Variants in PACSIN1 observed in about 807,000 individuals in gnomAD.
The protein encoded by PACSIN1 is protein kinase C and casein kinase substrate in neurons 1, also known as protein kinase C and casein kinase substrate in neurons protein 1.
In PACSIN1, 15 loss-of-function variants were observed where a neutral mutation model predicts 59.5. The observed-to-expected ratio is 0.25, with a 90% CI of 0.17 to 0.39. The LOEUF (loss-of-function observed/expected upper bound fraction) is 0.39. Ranked by LOEUF, PACSIN1 falls within the 10% of genes least tolerant of loss-of-function variation. PACSIN1 has a pLI of 1.00. For missense variants in PACSIN1, 420 were observed against 580.2 expected (o/e 0.72, Z 2.84); for synonymous variants, 210 against 220.6 (o/e 0.95, Z 0.42).
rs139280707 is a variant in PACSIN1, at chr6:34,466,231, C to T, written c.-103C>T. On this transcript the variant is annotated 5_prime_UTR_variant, in exon 1 of 10. Transcript: ENST00000244458. ...CGGGCCCCAGACGTCCCGCTTCGCC[C>T]CGAGTCGCCGCCGATGGTCCCCGGA... 2,429 of 152,324 alleles carry T rather than the reference C, an allele frequency of 0.016. 41 individuals carry two copies. Among genetic ancestry groups the T allele is most frequent in the Non-Finnish European group, 0.023 (1,554 of 68,098 alleles). 9.4% of individuals were successfully genotyped at this position (152,324 alleles called of 1,614,324 possible).
At position 34,475,783 on chromosome 6, in the gene PACSIN1, T is replaced by G. The variant is rs545812111; in HGVS notation, c.-64+9513T>G. 1.2e-4 allele frequency among the ~76,000 whole-genome samples: 19 copies of G among 152,288 alleles called. No homozygotes were observed. The East Asian group carries it at 3.7e-3, about 29-fold the overall frequency. On this transcript the variant is annotated intron_variant, in intron 1 of 9. Coordinates refer to ENST00000244458, the MANE Select transcript of PACSIN1 (RefSeq NM_020804.5). ...CTCTACTTCCATATCCATTTCTGCT[T>G]TGAGCCTTGCCACAAGCCTGTGGGG... is the stretch of plus-strand genomic sequence containing the variant.
At position 34,529,489 on chromosome 6, in the gene PACSIN1, C is replaced by T; in HGVS notation, c.549C>T (p.Val183=). The T allele has an allele frequency of 6.2e-7, 1 of 1,614,134 alleles. No individual in the cohort carries two copies. The change falls in exon 5 of 10, where the codon GTC becomes GTT. Residue 183 remains valine (V), a synonymous_variant. Transcript: ENST00000244458. This position sits in a 1 kb window ranked among gnomAD's most constrained non-coding sequence, Gnocchi z 6.3. Reference sequence around the variant, plus strand: ...TGAACAGCAAGACGGAGCAATCGGTCACACCTGAGCAGCAAAAGAAGCTGC... The same window carrying T: ...TGAACAGCAAGACGGAGCAATCGGTTACACCTGAGCAGCAAAAGAAGCTGC... ...REMNSKTEQS[V]TPEQQKKLQD...
chr6:34,476,483 A>G (rs2127241063), intron 1 of PACSIN1, among the ~76,000 whole-genome samples: 1 of 145,008 alleles, frequency 6.9e-6, no homozygotes, highest in Non-Finnish European at 1.5e-5. Context: ...GCTCCATCGG[A>G]CACTGGGCTG....
At chr6:34,474,984 C>T (rs1014616401) in intron 1 of PACSIN1, among the ~76,000 whole-genome samples, 9 of 152,112 alleles carry the variant, frequency 5.9e-5, no homozygotes, top group African/African-American at 2.2e-4. Context: ...TCCCCAAAGG[C>T]CTACATGGCT....
chr6:34,492,723 C>T (rs1766896483), intron 1 of PACSIN1, among the ~76,000 whole-genome samples: 1 of 152,154 alleles, frequency 6.6e-6, no homozygotes, highest in Non-Finnish European at 1.5e-5. Flanking sequence ...GAACGGAAAA[C>T]CAAATAGTGC....
At chr6:34,506,101 G>A (rs1767110646) in intron 1 of PACSIN1, among the ~76,000 whole-genome samples, 1 of 152,136 alleles carries the variant, frequency 6.6e-6, no homozygotes, top group Non-Finnish European at 1.5e-5. Flanking sequence ...TACGATGGCA[G>A]CTTTAAAAAT....
In PACSIN1 at chr6:34,532,785, A is replaced by C; in HGVS notation, c.*255A>C. ...TTAGGACTTAGCCCAACATCACAAC[A>C]TCTGCTCTTCGGGTTCCACCAAAGA... On this transcript the variant is annotated 3_prime_UTR_variant, in exon 10 of 10. Coordinates refer to ENST00000244458, the MANE Select transcript of PACSIN1 (RefSeq NM_020804.5). This position sits in a 1 kb window ranked among gnomAD's most constrained non-coding sequence, Gnocchi z 5.2. 1.6e-5 allele frequency: 7 copies of C among 424,340 alleles called. No individual in the cohort carries two copies. The highest frequency in any genetic ancestry group is 4.5e-5 in the East Asian group (1 of 22,392). The allele number at this position is 424,340 out of a possible 1,614,324, so 26.3% of individuals were successfully genotyped here.
At chr6:34,469,880 C>T (rs1766547773) in intron 1 of PACSIN1, among the ~76,000 whole-genome samples, 1 of 152,204 alleles carries the variant, frequency 6.6e-6, no homozygotes, top group Non-Finnish European at 1.5e-5. Context: ...CCTCTAATGC[C>T]AGGGAAGTTG....
At chr6:34,502,717 C>T (rs6926784) in intron 1 of PACSIN1, among the ~76,000 whole-genome samples, 216 of 152,168 alleles carry the variant, frequency 1.4e-3, no homozygotes, top group African/African-American at 4.9e-3. Flanking sequence ...CTGCCCACCT[C>T]GGCCTCCCAA....
chr6:34,519,045 C>T (rs1041683811), intron 1 of PACSIN1, among the ~76,000 whole-genome samples: 1 of 151,946 alleles, frequency 6.6e-6, no homozygotes, highest in Non-Finnish European at 1.5e-5. Context: ...AGAGGGTGGC[C>T]GGAGGAGGAA....
Position 34,516,972 on chromosome 6 carries a change from C to T in PACSIN1, c.-63-9271C>T, listed in dbSNP as rs1767302545. On this transcript the variant is annotated intron_variant, in intron 1 of 9. Transcript: ENST00000244458. This position sits in a 1 kb window ranked among gnomAD's most constrained non-coding sequence, Gnocchi z 5.4. ...CAATCTGGCTCCCGGCTGGCCCCTCCTCACTGCCCTTGACCCCCGTGCAGG... is the reference window on the plus strand; with the variant it reads ...CAATCTGGCTCCCGGCTGGCCCCTCTTCACTGCCCTTGACCCCCGTGCAGG... 6.6e-6 allele frequency among the ~76,000 whole-genome samples: 1 copy of T among 152,180 alleles called. No individual in the cohort carries two copies. Among genetic ancestry groups the T allele is most frequent in the African/African-American group, 2.4e-5 (1 of 41,436 alleles).
At chr6:34,528,553 G>A in intron 3 of PACSIN1, 89 bp from the exon 4 acceptor site, 1 of 960,540 alleles carries the variant, frequency 1.0e-6, no homozygotes, top group South Asian at 1.3e-5. Flanking sequence ...GCTATGAGAG[G>A]AAAGGGAAAG....
chr6:34,495,426 A>G (rs1766933681), intron 1 of PACSIN1, among the ~76,000 whole-genome samples: 1 of 152,132 alleles, frequency 6.6e-6, no homozygotes, highest in African/African-American at 2.4e-5. Flanking sequence ...CAGAATCAGA[A>G]TCTCCAACGT....
At position 34,528,893 on chromosome 6, in the gene PACSIN1, T is replaced by C; in HGVS notation, c.456+16T>C. ...GATGAAGGAGGTGCTCAGTGGGTGC[T>C]GCCACGGGCGGGGTGGGGTGGGCCC... On this transcript the variant is annotated intron_variant, in intron 4 of 9. Transcript: ENST00000244458. 2.0e-5 allele frequency: 9 copies of C among 451,830 alleles called. No homozygotes were observed. Among genetic ancestry groups the C allele is most frequent in the Non-Finnish European group, 3.7e-5 (9 of 240,596 alleles). The allele number at this position is 451,830 out of a possible 1,614,324, so 28.0% of individuals were successfully genotyped here.
At chr6:34,471,554 T>G (rs1766571237) in intron 1 of PACSIN1, among the ~76,000 whole-genome samples, 1 of 152,164 alleles carries the variant, frequency 6.6e-6, no homozygotes, top group Admixed American at 6.5e-5. Context: ...AAGGGAGATG[T>G]GGTGATCAAG....
intron 1 of PACSIN1, among the ~76,000 whole-genome samples, chr6:34,524,415 C>T (rs1767449087): frequency 6.6e-6 from 1 of 152,196 alleles, no homozygotes; most frequent in South Asian, 2.1e-4. Flanking sequence ...AAGTCTCTCT[C>T]CCCCTGCGTC....
At chr6:34,477,245 C>G (rs1766650523) in intron 1 of PACSIN1, among the ~76,000 whole-genome samples, 1 of 149,700 alleles carries the variant, frequency 6.7e-6, no homozygotes. Flanking sequence ...AATCCCAGCA[C>G]TTTGGGAGGC....
chr6:34,514,446 A>G lies in PACSIN1; in HGVS notation c.-63-11797A>G, dbSNP rs1767253084. ...AAAAAACTCAAAATTTTGAATTTTC[A>G]TCAAATGAGAGAATAAATGATTAAA... On this transcript the variant is annotated intron_variant, in intron 1 of 9. Transcript: ENST00000244458. The surrounding 1 kb of genome is among the most constrained non-coding windows in gnomAD (Gnocchi z 4.4). Among the ~76,000 whole-genome samples, 1 of 152,194 alleles carries G rather than the reference A, an allele frequency of 6.6e-6. No individual in the cohort carries two copies. Among genetic ancestry groups the G allele is most frequent in the Non-Finnish European group, 1.5e-5 (1 of 68,042 alleles).
intron 1 of PACSIN1, among the ~76,000 whole-genome samples, chr6:34,511,615 C>A (rs1384970725): frequency 7.2e-5 from 11 of 152,248 alleles, no homozygotes; most frequent in Non-Finnish European, 1.3e-4. Context: ...TCCCAAGTAC[C>A]CACCCCACAT....
Sources: gnomAD v4.1 joint callset for allele counts (sites outside exome capture counted in the v4.1 genomes callset) on GRCh38, gnomAD v4.1.1 for gene constraint, Gnocchi (gnomAD v3.1) non-coding constraint, MANE v1.5 for transcripts, NCBI Gene and HGNC (gene_info 2026-07-23, HGNC 2026-07-21) for gene names.